MINDY3: variants seen among roughly 807,000 people sequenced by gnomAD.
MINDY3 encodes the protein MINDY lysine 48 deubiquitinase 3, also known as ubiquitin carboxyl-terminal hydrolase MINDY-3.
MINDY3 carries 38 observed loss-of-function variants against 69.2 expected under a neutral mutation model. That is an observed-to-expected ratio of 0.55 (90% confidence interval 0.42 to 0.72). The LOEUF (loss-of-function observed/expected upper bound fraction) is 0.72. Among genes scored for constraint, MINDY3 ranks in the 30% least tolerant of loss-of-function variants. MINDY3 has a pLI of 0.00. For missense variants in MINDY3, 522 were observed against 519.0 expected (o/e 1.01, Z -0.06); for synonymous variants, 192 against 180.1 (o/e 1.07, Z -0.53).
chr10:15,803,756 T>C (rs1254228288), intron 10 of MINDY3, among the ~76,000 whole-genome samples: 1 of 152,078 alleles, frequency 6.6e-6, no homozygotes, highest in Non-Finnish European at 1.5e-5. Flanking sequence ...CCAAGAATCT[T>C]ATTAAATTTA....
chr10:15,833,748 A>G (rs778678807), intron 7 of MINDY3, 39 bp from the exon 8 acceptor site: 1 of 1,293,058 alleles, frequency 7.7e-7, no homozygotes, highest in East Asian at 2.4e-5. Flanking sequence ...ATATGAATAT[A>G]GTTGCCAAAT....
chr10:15,849,993 C>G (rs1042516640), intron 1 of MINDY3, among the ~76,000 whole-genome samples: 2 of 151,800 alleles, frequency 1.3e-5, no homozygotes, highest in Non-Finnish European at 2.9e-5. Context: ...AATGGAGGGA[C>G]CTGCTGAAGC....
At chr10:15,784,480 C>T (rs550240146) in intron 13 of MINDY3, among the ~76,000 whole-genome samples, 12 of 152,266 alleles carry the variant, frequency 7.9e-5, no homozygotes, top group African/African-American at 2.6e-4. Context: ...TGAGGTGGCT[C>T]ATACCTGTAA....
At chr10:15,783,746 A>T (rs1706951294) in intron 13 of MINDY3, among the ~76,000 whole-genome samples, 1 of 152,224 alleles carries the variant, frequency 6.6e-6, no homozygotes, top group African/African-American at 2.4e-5. Flanking sequence ...CTTACAGAAA[A>T]TAGAAAAATC....
intron 1 of MINDY3, among the ~76,000 whole-genome samples, chr10:15,852,042 T>C (rs1588658379): frequency 6.6e-6 from 1 of 152,180 alleles, no homozygotes; most frequent in African/African-American, 2.4e-5. Flanking sequence ...ATTTTTCAGG[T>C]CTCAGTTTAG....
chr10:15,796,383 G>A (rs868475536), intron 10 of MINDY3, among the ~76,000 whole-genome samples: 2 of 151,452 alleles, frequency 1.3e-5, no homozygotes, highest in African/African-American at 4.9e-5. Flanking sequence ...CCACAGAAAA[G>A]TGTTGTGAAT....
At chr10:15,780,019 A>G (rs1043959128) in intron 14 of MINDY3, among the ~76,000 whole-genome samples, 8 of 152,210 alleles carry the variant, frequency 5.3e-5, no homozygotes, top group Non-Finnish European at 1.2e-4. Context: ...CTGATGCTGT[A>G]TAATTTAAAA....
rs775350736 is a variant in MINDY3, at chr10:15,843,238, T to G, written c.209A>C (p.Glu70Ala). ...FLLKKLLFSS[E>A]KSSWRDCSEE... ...TGAACAATCCCGCCAAGAAGACTTC[T>G]CCGAAGAAAACAGGAGCTTCTTCAA... The change falls in exon 3 of 15, where the codon GAG becomes GCG. Residue 70 changes from glutamate to alanine, a missense_variant. Coordinates refer to ENST00000277632, the MANE Select transcript of MINDY3 (RefSeq NM_024948.4). The G allele has an allele frequency of 2.5e-6, 4 of 1,612,880 alleles. No homozygotes were observed. The highest frequency in any genetic ancestry group is 3.4e-6 in the Non-Finnish European group (4 of 1,179,126).
intron 1 of MINDY3, among the ~76,000 whole-genome samples, chr10:15,853,866 G>C (rs570431287): frequency 6.6e-6 from 1 of 152,166 alleles, no homozygotes; most frequent in African/African-American, 2.4e-5. Flanking sequence ...AAAATAGCCA[G>C]TGATAAAATT....
intron 10 of MINDY3, among the ~76,000 whole-genome samples, chr10:15,802,014 T>C (rs1283563484): frequency 2.0e-5 from 3 of 151,598 alleles, no homozygotes; most frequent in Non-Finnish European, 4.4e-5. Context: ...ACATTCATTA[T>C]AATTTTAACA....
chr10:15,782,095 T>C, intron 14 of MINDY3, 60 bp downstream of exon 14: 1 of 1,194,784 alleles, frequency 8.4e-7, no homozygotes, highest in Non-Finnish European at 1.2e-6. Context: ...CATTGTTACA[T>C]ACTCACATAA....
chr10:15,816,945 TAAAC>T (rs759133323), intron 9 of MINDY3, 30 bp from the exon 10 acceptor site: 17 of 1,519,622 alleles, frequency 1.1e-5, no homozygotes, highest in Middle Eastern at 1.7e-4. Context: ...ATAAAACAAA[TAAAC>T]AAATTAAAAA....
At chr10:15,821,519 G>C (rs539639027) in intron 9 of MINDY3, 137 bp downstream of exon 9, 2 of 575,576 alleles carry the variant, frequency 3.5e-6, no homozygotes, top group Non-Finnish European at 3.0e-6. Context: ...GGTTTAGGGT[G>C]GGGGATAGGA....
At chr10:15,807,641 C>T (rs1199093323) in intron 10 of MINDY3, among the ~76,000 whole-genome samples, 1 of 152,048 alleles carries the variant, frequency 6.6e-6, no homozygotes, top group African/African-American at 2.4e-5. Context: ...TCATAGGCTT[C>T]ATTCCTAACA....
rs73589640 is a variant in MINDY3 at position 15,857,705 on chromosome 10, C to A, written c.94+2501G>T. ...AAAGAAGAAGAAAAAAAACACCCCG[C>A]ATTTTTTAAAACGAACAGGGATTTG... is the stretch of plus-strand genomic sequence containing the variant. On this transcript the variant is annotated intron_variant, in intron 1 of 14. Transcript: ENST00000277632. 6.8e-3 allele frequency among the ~76,000 whole-genome samples: 1,036 copies of A among 152,188 alleles called. 14 individuals carry two copies. Among genetic ancestry groups the A allele is most frequent in the African/African-American group, 0.023 (970 of 41,514 alleles).
At chr10:15,802,810 TAA>T (rs571339721) in intron 10 of MINDY3, among the ~76,000 whole-genome samples, 2 of 142,356 alleles carry the variant, frequency 1.4e-5, no homozygotes, top group Admixed American at 7.0e-5. Context: ...TCTTGAACAA[TAA>T]AAAAAAAAAA....
At chr10:15,849,206 G>A (rs1216979835) in intron 1 of MINDY3, among the ~76,000 whole-genome samples, 1 of 152,192 alleles carries the variant, frequency 6.6e-6, no homozygotes, top group Non-Finnish European at 1.5e-5. Context: ...AGGCAAAGGT[G>A]AATGAATGGA....
intron 5 of MINDY3, chr10:15,837,627 TG>T: frequency 1.6e-6 from 2 of 1,262,268 alleles, no homozygotes; most frequent in South Asian, 1.5e-5. Context: ...AAGAATAGAG[TG>T]GCCTTCTTGT....
In MINDY3 at chr10:15,827,241, C is replaced by T. The variant is rs116181065; in HGVS notation, c.731-5515G>A. ...CTAAAAAAAAGACCAAATGATTTAACCTCATAAATATGAAAGCCAGCCAGG... is the reference window on the plus strand; with the variant it reads ...CTAAAAAAAAGACCAAATGATTTAATCTCATAAATATGAAAGCCAGCCAGG... On this transcript the variant is annotated intron_variant, in intron 8 of 14. Transcript: ENST00000277632. Among the ~76,000 whole-genome samples, 1,307 of 146,332 alleles carry T rather than the reference C, an allele frequency of 8.9e-3. 15 individuals are homozygous for T. Among genetic ancestry groups the T allele is most frequent in the African/African-American group, 0.031 (1,219 of 38,884 alleles).
Sources: allele counts gnomAD v4.1 joint callset (sites outside exome capture counted in the v4.1 genomes callset), GRCh38; gene constraint gnomAD v4.1.1; transcripts MANE v1.5; gene names NCBI Gene and HGNC (gene_info 2026-07-23, HGNC 2026-07-21).